EDA: variants seen among roughly 807,000 people sequenced by gnomAD.
The protein encoded by EDA is ectodysplasin A.
Under a neutral mutation model 23.6 loss-of-function variants are expected in EDA, and 2 were observed. That is an observed-to-expected ratio of 0.08 (90% CI 0.03 to 0.27). EDA has a LOEUF of 0.27. Ranked by LOEUF, EDA falls within the 10% of genes least tolerant of loss-of-function variation. The probability of loss-of-function intolerance (pLI) is 1.00; values close to 1 mark genes in which losing one functional copy is unlikely to be tolerated. For synonymous variants in EDA, 131 were observed against 132.0 expected, an observed-to-expected ratio of 0.99 and a Z score of 0.05; for missense variants, 229 against 324.2, an observed-to-expected ratio of 0.71 and a Z score of 2.26.
At chrX:69,620,931 T>C in intron 1 of EDA, 1 of 379,208 alleles carries the variant, frequency 2.6e-6, no homozygotes, top group Non-Finnish European at 5.2e-6. Context: ...GCCTGTGACC[T>C]GTCAGCTATG....
rs191191713 is a variant in EDA, at chrX:69,870,613, T to C, written c.397-86414T>C. ...GAGGGGACGTTGCCACTACTAGGGA[T>C]GGGGAAACTGTTCCTTCTTGCAAAA... is the stretch of plus-strand genomic sequence containing the variant. On this transcript the variant is annotated intron_variant, in intron 1 of 7. Transcript: ENST00000374552. 4.5e-5 allele frequency among the ~76,000 whole-genome samples: 5 copies of C among 111,184 alleles called. No homozygotes were observed. In the East Asian group the frequency reaches 1.1e-3, roughly 25 times the overall value.
intron 1 of EDA, among the ~76,000 whole-genome samples, chrX:69,925,498 A>C (rs2018502500): frequency 9.0e-6 from 1 of 111,725 alleles, no homozygotes; most frequent in African/African-American, 3.3e-5. Context: ...CCAGGAATGA[A>C]GCAAACTTGA....
chrX:69,963,331 T>C (rs2019128702), intron 2 of EDA, among the ~76,000 whole-genome samples: 1 of 112,218 alleles, frequency 8.9e-6, no homozygotes, highest in African/African-American at 3.2e-5. Context: ...CTTGTATTTA[T>C]TGCTTTCAGT....
intron 1 of EDA, among the ~76,000 whole-genome samples, chrX:69,867,279 G>A (rs980562903): frequency 2.7e-5 from 3 of 111,965 alleles, no homozygotes; most frequent in African/African-American, 9.7e-5. Flanking sequence ...GCTGAGTGGT[G>A]TACACAGAAT....
chrX:69,900,514 C>T (rs987802144), intron 1 of EDA, among the ~76,000 whole-genome samples: 2 of 108,307 alleles, frequency 1.8e-5, no homozygotes, highest in Non-Finnish European at 3.8e-5. Context: ...TTATGACTAC[C>T]AAATTAGTTA....
chrX:69,797,284 T>C (rs185367218), intron 1 of EDA, among the ~76,000 whole-genome samples: 106 of 111,195 alleles, frequency 9.5e-4, no homozygotes, highest in African/African-American at 3.2e-3. Context: ...TGGCACATTG[T>C]AGGCAAACAT....
intron 1 of EDA, among the ~76,000 whole-genome samples, chrX:69,737,734 A>G (rs2013315506): frequency 8.9e-6 from 1 of 111,801 alleles, no homozygotes. Flanking sequence ...CTTAATTTAA[A>G]ATTTCTTGCA....
At chrX:69,677,291 G>A (rs1411711523) in intron 1 of EDA, among the ~76,000 whole-genome samples, 7 of 106,676 alleles carry the variant, frequency 6.6e-5, no homozygotes, top group African/African-American at 1.7e-4. Flanking sequence ...ATAAACATAC[G>A]TGTGCATGTG....
intron 1 of EDA, among the ~76,000 whole-genome samples, chrX:69,667,235 CCTGAGTAG>C (rs1420299789): frequency 1.9e-5 from 2 of 106,657 alleles, no homozygotes; most frequent in Non-Finnish European, 3.8e-5. Context: ...GCCTCAGCCT[CCTGAGTAG>C]CTGAGACTAC....
At chrX:69,839,480 C>T (rs973310671) in intron 1 of EDA, among the ~76,000 whole-genome samples, 30 of 112,282 alleles carry the variant, frequency 2.7e-4, no homozygotes, top group African/African-American at 9.7e-4. Flanking sequence ...CTTTGCTTTA[C>T]TCAGTCTAAA....
At chrX:69,782,025 G>T (rs1465288239) in intron 1 of EDA, among the ~76,000 whole-genome samples, 1 of 109,262 alleles carries the variant, frequency 9.2e-6, no homozygotes, top group Non-Finnish European at 1.9e-5. Flanking sequence ...AGACAAGTTG[G>T]GTAGACTTTG....
chrX:69,946,216 C>T (rs1461786635), intron 1 of EDA, among the ~76,000 whole-genome samples: 1 of 111,692 alleles, frequency 9.0e-6, no homozygotes, highest in African/African-American at 3.3e-5. Flanking sequence ...GATTAACCTG[C>T]CTGCCCCTAA....
At position 69,796,732 on chromosome X, in the gene EDA, A is replaced by T. The variant is rs751711383; in HGVS notation, c.397-160295A>T. ...CTGCAGCAACAACTACAAATAAAAA[A>T]TAAATTAATGAAATCTCAGAAAAAA... is the stretch of plus-strand genomic sequence containing the variant. On this transcript the variant is annotated intron_variant, in intron 1 of 7. Transcript: ENST00000374552. 5.3e-5 allele frequency among the ~76,000 whole-genome samples: 6 copies of T among 112,195 alleles called. No individual in the cohort carries two copies. In the South Asian group the frequency reaches 1.1e-3, roughly 21 times the overall value.
chrX:69,790,591 C>T (rs373761733), intron 1 of EDA, among the ~76,000 whole-genome samples: 2 of 111,150 alleles, frequency 1.8e-5, no homozygotes, highest in Non-Finnish European at 3.8e-5. Flanking sequence ...AAAAGTATAA[C>T]AAAACAAAGG....
chrX:69,957,430 G>GGTCGC, intron 2 of EDA: 2 of 240,770 alleles, frequency 8.3e-6, no homozygotes, highest in Non-Finnish European at 1.5e-5. Context: ...AGTGAGCTGA[G>GGTCGC]ACTGTGCCAC....
In EDA at chrX:69,854,176, A is replaced by G. The variant is rs758353174; in HGVS notation, c.397-102851A>G. On this transcript the variant is annotated intron_variant, in intron 1 of 7. Coordinates refer to ENST00000374552, the MANE Select transcript of EDA (RefSeq NM_001399.5). ...CACCCTCCACCCTCCACCTTCCGAC[A>G]GGCCCCACTGTGGTTTGTTTTGTTT... Among the ~76,000 whole-genome samples, 5 of 109,370 alleles carry G rather than the reference A, an allele frequency of 4.6e-5. No homozygotes were observed. In the East Asian group the frequency reaches 1.4e-3, roughly 32 times the overall value. 95.0% of individuals were successfully genotyped at this position (109,370 alleles called of 115,157 possible). A position where few individuals can be genotyped will look rare whatever the true frequency, so the allele number is the denominator to read the frequency against.
chrX:69,725,237 A>G (rs970088924), intron 1 of EDA, among the ~76,000 whole-genome samples: 4 of 111,620 alleles, frequency 3.6e-5, no homozygotes, highest in African/African-American at 1.3e-4. Context: ...CTCTGCCTGT[A>G]TTTCCTCCTT....
At chrX:70,023,342 TTGTC>T (rs1349231330) in intron 3 of EDA, 101 bp downstream of exon 3, 7 of 521,618 alleles carry the variant, frequency 1.3e-5, no homozygotes, top group African/African-American at 9.5e-5. Context: ...TCTTTCAGCA[TTGTC>T]TGTCTGTTAT....
chrX:69,662,288 C>A (rs1933536308), intron 1 of EDA, among the ~76,000 whole-genome samples: 1 of 111,754 alleles, frequency 8.9e-6, no homozygotes, highest in African/African-American at 3.3e-5. Context: ...TCCCACATAT[C>A]ATGGGAGGAA....
Sources: allele counts gnomAD v4.1 joint callset (sites outside exome capture counted in the v4.1 genomes callset), GRCh38; gene constraint gnomAD v4.1.1; transcripts MANE v1.5; gene names NCBI Gene and HGNC (gene_info 2026-07-23, HGNC 2026-07-21).